Variants in CABP4 observed in about 807,000 individuals in gnomAD.
CABP4 encodes calcium binding protein 4.
Under a neutral mutation model 30.7 loss-of-function variants are expected in CABP4, and 30 were observed. The ratio of observed to expected loss-of-function variants is 0.98; its 90% CI spans 0.73 to 1.33. CABP4 has a LOEUF of 1.33. Ranked by LOEUF, CABP4 falls within the 40% of genes most tolerant of loss-of-function variation. CABP4 has a pLI of 0.00. For missense variants in CABP4, 424 were observed against 395.5 expected (o/e 1.07, Z -0.61); for synonymous variants, 161 against 159.2 (o/e 1.01, Z -0.08).
At chr11:67,454,125 G>A (rs1213786067), upstream of CABP4, among the ~76,000 whole-genome samples, 1 of 152,186 alleles carries the variant, frequency 6.6e-6, no homozygotes, top group African/African-American at 2.4e-5. Context: ...AAGAGAGGGG[G>A]AGGGGCTCTG....
Position 67,458,793 on chromosome 11 carries a change from C to A in CABP4, c.*134C>A. Reference sequence around the variant, plus strand: ...CCCAGACTACTTCTATCCCTGAAAACACCTGGCCTCAATGTTGGCTTGTTA... The same window carrying A: ...CCCAGACTACTTCTATCCCTGAAAAAACCTGGCCTCAATGTTGGCTTGTTA... On this transcript the variant is annotated 3_prime_UTR_variant, in exon 6 of 6. Coordinates refer to ENST00000325656, the MANE Select transcript of CABP4 (RefSeq NM_145200.5). The A allele has an allele frequency of 9.4e-7, 1 of 1,058,844 alleles. No individual in the cohort carries two copies. The highest frequency in any genetic ancestry group is 1.4e-6 in the Non-Finnish European group (1 of 705,948). 65.6% of individuals were successfully genotyped at this position (1,058,844 alleles called of 1,614,324 possible).
At chr11:67,458,243 G>T (rs987074724) in intron 4 of CABP4, 128 bp from the exon 5 acceptor site, 124 of 765,084 alleles carry the variant, frequency 1.6e-4, no homozygotes, top group Non-Finnish European at 2.0e-4. Context: ...TGGTGACAGA[G>T]CAAGACTCCA....
intron 3 of CABP4, among the ~76,000 whole-genome samples, chr11:67,456,954 G>A (rs566716837): frequency 2.6e-5 from 4 of 152,282 alleles, no homozygotes; most frequent in Non-Finnish European, 5.9e-5. Context: ...GTTCCCCTTC[G>A]CTGGTTTGTC....
chr11:67,452,491 G>T (rs748200350), upstream of CABP4: 4 of 1,611,318 alleles, frequency 2.5e-6, no homozygotes, highest in Non-Finnish European at 3.4e-6. Flanking sequence ...CCAGGAACAA[G>T]AAGTCAGAGA....
chr11:67,455,087 G>C (rs1590998206), upstream of CABP4, among the ~76,000 whole-genome samples: 1 of 152,218 alleles, frequency 6.6e-6, no homozygotes, highest in East Asian at 1.9e-4. Context: ...ATGTTTTATA[G>C]ATAGGGAAAC....
Position 67,457,597 on chromosome 11 carries a change from A to G in CABP4, c.566A>G (p.Glu189Gly). ...MRMGGRVDFE[E>G]FVELIGPKLR... ...GTGGGCGGCCGTGTGGACTTTGAGG[A>G]GTTTGTAGAACTGATAGGCCCAAAG... Residue 189 changes from glutamate (E) to glycine (G), a missense_variant, in exon 4 of 6, where the codon GAG becomes GGG. Transcript: ENST00000325656. 6.2e-7 allele frequency: 1 copy of G among 1,600,956 alleles called. No homozygotes were observed. The highest frequency in any genetic ancestry group is 8.5e-7 in the Non-Finnish European group (1 of 1,173,982).
rs1178903154 is a variant in CABP4 at position 67,459,290 on chromosome 11, A to G, written c.*631A>G. On this transcript the variant is annotated 3_prime_UTR_variant, in exon 6 of 6. Coordinates refer to ENST00000325656, the MANE Select transcript of CABP4 (RefSeq NM_145200.5). ...GGGATGGCTCCATGTATCAAAGACA[A>G]AGAAATCAAAGCTGGGGTTGTAAGA... The G allele has an allele frequency of 6.5e-6, 1 of 154,150 alleles. No homozygotes were observed. Among genetic ancestry groups the G allele is most frequent in the Non-Finnish European group, 1.4e-5 (1 of 69,344 alleles). 9.5% of individuals were successfully genotyped at this position (154,150 alleles called of 1,614,324 possible). A position where few individuals can be genotyped will look rare whatever the true frequency, so the allele number is the denominator to read the frequency against.
upstream of CABP4, chr11:67,452,756 G>A: frequency 6.7e-7 from 1 of 1,497,514 alleles, no homozygotes; most frequent in Non-Finnish European, 9.0e-7. Context: ...TGGACACGGA[G>A]TGGGTGCCTG....
upstream of CABP4, chr11:67,452,814 G>A (rs1864610783): frequency 9.6e-7 from 1 of 1,044,456 alleles, no homozygotes; most frequent in African/African-American, 1.6e-5. Flanking sequence ...AGACGGTGCT[G>A]TGCATCTCCA....
rs745382789 is a variant in CABP4 at position 67,455,577 on chromosome 11, C to T, written c.154C>T (p.Arg52Ter). The change falls in exon 1 of 6, where the codon CGA (arginine) becomes TGA (stop). Residue 52 changes from arginine to a stop codon, truncating the protein, a stop_gained. Transcript: ENST00000325656. LOFTEE classifies it high-confidence loss of function. ...GAAGGAGAGGGGGCTCCGAGGGTCTCGAAAGCGCACTGGCAGCTCTGGGGA... is the reference window on the plus strand; with the variant it reads ...GAAGGAGAGGGGGCTCCGAGGGTCTTGAAAGCGCACTGGCAGCTCTGGGGA... The part of the protein sequence containing the change: ...SKKERGLRGS[R>*]KRTGSSGEQT... 38 of 1,603,252 alleles carry T rather than the reference C, an allele frequency of 2.4e-5. No homozygotes were observed. Among genetic ancestry groups the T allele is most frequent in the Admixed American group, 5.2e-5 (3 of 58,174 alleles).
At chr11:67,457,030 T>C (rs1470752006) in intron 3 of CABP4, among the ~76,000 whole-genome samples, 2 of 152,160 alleles carry the variant, frequency 1.3e-5, no homozygotes, top group African/African-American at 4.8e-5. Context: ...ATTCCCAAAA[T>C]GGGGATGTGA....
At position 67,455,460 on chromosome 11, in the gene CABP4, A is replaced by G; in HGVS notation, c.37A>G (p.Asn13Asp). 2 of 1,611,714 alleles carry G rather than the reference A, an allele frequency of 1.2e-6. No homozygotes were observed. Among genetic ancestry groups the G allele is most frequent in the South Asian group, 1.1e-5 (1 of 90,772 alleles). ...GCAGGCAAGGGGGCAGCAGGGCCCAAATCTGGCCATTGGCCGTCAGAAGCC... is the reference window on the plus strand; with the variant it reads ...GCAGGCAAGGGGGCAGCAGGGCCCAGATCTGGCCATTGGCCGTCAGAAGCC... ...TEQARGQQGPNLAIGRQKPPA... is the reference protein window; with the variant it reads ...TEQARGQQGPDLAIGRQKPPA... Residue 13 changes from asparagine (N) to aspartate (D), a missense_variant, in exon 1 of 6, where the codon AAT becomes GAT. By Grantham distance (23) the Asn-to-Asp change is conservative. Transcript: ENST00000325656.
In CABP4 at chr11:67,456,146, C is replaced by A. The variant is rs779126466; in HGVS notation, c.367-42C>A. 12 of 1,612,844 alleles carry A rather than the reference C, an allele frequency of 7.4e-6. No homozygotes were observed. The East Asian group carries it at 2.2e-4, about 30-fold the overall frequency. ...GGATGAAGGAGGAAGGATGACAGAG[C>A]CGTGGCTGGCCCTGGGGACATCCTG... On this transcript the variant is annotated intron_variant, in intron 1 of 5. Transcript: ENST00000325656.
rs1417501518 is a variant in CABP4, at chr11:67,455,533, T to A, written c.110T>A (p.Leu37Ter). ...AAGAGTGATGCAGAGGAGCCCCCGTTGACCAGGAAGAGGAGCAAGAAGGAG... is the reference window on the plus strand; with the variant it reads ...AAGAGTGATGCAGAGGAGCCCCCGTAGACCAGGAAGAGGAGCAAGAAGGAG... Reference protein sequence around the residue: ...TPKSDAEEPPLTRKRSKKERG... With the variant: ...TPKSDAEEPP Residue 37 changes from leucine (L) to a stop codon, truncating the protein, a stop_gained, in exon 1 of 6, where the codon TTG (leucine) becomes TAG (stop). Coordinates refer to ENST00000325656, the MANE Select transcript of CABP4 (RefSeq NM_145200.5). LOFTEE classifies it high-confidence loss of function. 2 of 1,603,464 alleles carry A rather than the reference T, an allele frequency of 1.2e-6. No homozygotes were observed. Among genetic ancestry groups the A allele is most frequent in the East Asian group, 2.2e-5 (1 of 44,604 alleles).
chr11:67,456,581 G>T (rs971083732), intron 3 of CABP4, 139 bp downstream of exon 3: 4 of 1,103,668 alleles, frequency 3.6e-6, no homozygotes, highest in Non-Finnish European at 5.3e-6. Flanking sequence ...CAGGGGCACC[G>T]GGTTCAAGCT....
chr11:67,461,742 GT>G lies in CABP4; in HGVS notation c.*3084del, dbSNP rs1865022689. 1 of 152,028 alleles carries G rather than the reference GT, an allele frequency of 6.6e-6. No individual in the cohort carries two copies. Among genetic ancestry groups the G allele is most frequent in the South Asian group, 2.1e-4 (1 of 4,824 alleles). The allele number at this position is 152,028 out of a possible 1,614,324, so 9.4% of individuals were successfully genotyped here. ...ATATCAGAAATTTTAATAAATAACA[GT>G]AAAACTTCATTTATTGACATGGAAA... On this transcript the variant is annotated 3_prime_UTR_variant, in exon 6 of 6. Transcript: ENST00000325656.
chr11:67,459,265 G>T lies in CABP4; in HGVS notation c.*606G>T. The T allele has an allele frequency of 6.4e-6, 1 of 155,788 alleles. No homozygotes were observed. Among genetic ancestry groups the T allele is most frequent in the Admixed American group, 6.2e-5 (1 of 16,086 alleles). The allele number at this position is 155,788 out of a possible 1,614,324, so 9.7% of individuals were successfully genotyped here. On this transcript the variant is annotated 3_prime_UTR_variant, in exon 6 of 6. Coordinates refer to ENST00000325656, the MANE Select transcript of CABP4 (RefSeq NM_145200.5). The stretch of plus-strand genomic sequence containing the variant: ...AAAAAGTGAGCTTGAAAGAAAGAAA[G>T]GGATGGCTCCATGTATCAAAGACAA...
At chr11:67,452,593 C>T (rs201706901), upstream of CABP4, 3 of 1,611,986 alleles carry the variant, frequency 1.9e-6, no homozygotes, top group East Asian at 6.7e-5. Context: ...CATTGGCTGG[C>T]AGCCCAAGGA....
rs766416524 is a variant in CABP4, at chr11:67,457,603, T to C, written c.572T>C (p.Val191Ala). 2.5e-6 allele frequency: 4 copies of C among 1,603,048 alleles called. No homozygotes were observed. In the African/African-American group the frequency reaches 4.0e-5, roughly 16 times the overall value. Residue 191 changes from valine (V) to alanine (A), a missense_variant, in exon 4 of 6, where the codon GTA becomes GCA. Coordinates refer to ENST00000325656, the MANE Select transcript of CABP4 (RefSeq NM_145200.5). ...MGGRVDFEEF[V>A]ELIGPKLREE... ...GGCCGTGTGGACTTTGAGGAGTTTGTAGAACTGATAGGCCCAAAGCTGAGG... is the reference window on the plus strand; with the variant it reads ...GGCCGTGTGGACTTTGAGGAGTTTGCAGAACTGATAGGCCCAAAGCTGAGG...
Sources: allele counts gnomAD v4.1 joint callset (sites outside exome capture counted in the v4.1 genomes callset), GRCh38; gene constraint gnomAD v4.1.1; transcripts MANE v1.5; gene names NCBI Gene and HGNC (gene_info 2026-07-23, HGNC 2026-07-21).